The following GPR55 variants were observed in gnomAD, a reference collection of about 807,000 sequenced individuals.
GPR55 encodes G-protein coupled receptor 55.
In GPR55, 6 loss-of-function variants were observed where a neutral mutation model predicts 7.9. The ratio of observed to expected loss-of-function variants is 0.76; its 90% CI spans 0.41 to 1.49. GPR55 has a LOEUF of 1.49. GPR55 is among the 40% of genes most tolerant of loss of function. The pLI is 0.01. For missense variants in GPR55, 376 were observed against 406.0 expected (o/e 0.93, Z 0.63); for synonymous variants, 183 against 166.8 (o/e 1.10, Z -0.75).
At chr2:230,955,156 A>C (rs749185549) in intron 1 of GPR55, among the ~76,000 whole-genome samples, 2 of 152,244 alleles carry the variant, frequency 1.3e-5, no homozygotes, top group South Asian at 2.1e-4. Flanking sequence ...TATGATCTCC[A>C]TCTACTTTGA....
At chr2:230,941,130 G>T (rs1223064035) in intron 1 of GPR55, among the ~76,000 whole-genome samples, 1 of 150,740 alleles carries the variant, frequency 6.6e-6, no homozygotes, top group Non-Finnish European at 1.5e-5. Context: ...AAAAAAAAAA[G>T]AAAAGAAGGG....
Position 230,910,828 on chromosome 2 carries a change from G to A in GPR55, c.135C>T (p.Phe45=), listed in dbSNP as rs35822326. The change falls in exon 2 of 2, where the codon TTC becomes TTT. Residue 45 remains phenylalanine (F), a synonymous_variant. Transcript: ENST00000650999. This position sits in a 1 kb window ranked among gnomAD's most constrained non-coding sequence, Gnocchi z 5.4. ...LLLNLLAIHG[F]STFLKNRWPD... is the part of the protein sequence containing the mutation. ...GCCACCTGTTCTTAAGGAAGGTGCT[G>A]AAGCCATGGATGGCCAGCAGGTTGA... 0.011 allele frequency: 17,362 copies of A among 1,614,146 alleles called. 115 individuals carry two copies. The highest frequency in any genetic ancestry group is 0.012 in the Non-Finnish European group (13,758 of 1,179,996).
At chr2:230,926,795 T>A (rs1690951213), upstream of GPR55, among the ~76,000 whole-genome samples, 1 of 151,076 alleles carries the variant, frequency 6.6e-6, no homozygotes, top group African/African-American at 2.4e-5. Context: ...GTTCAAGTGA[T>A]TCTCCTGCCT....
intron 1 of GPR55, among the ~76,000 whole-genome samples, chr2:230,938,102 G>A (rs190963062): frequency 3.9e-5 from 5 of 129,196 alleles, no homozygotes; most frequent in East Asian, 4.8e-4. Context: ...AGCCGTGATC[G>A]CACCACTGTA....
chr2:230,943,718 T>C (rs562773233), intron 1 of GPR55, among the ~76,000 whole-genome samples: 1 of 151,986 alleles, frequency 6.6e-6, no homozygotes, highest in Non-Finnish European at 1.5e-5. Context: ...CTCCCCTTGG[T>C]GCTGTCCTCT....
At chr2:230,937,609 T>C (rs886259229) in intron 1 of GPR55, among the ~76,000 whole-genome samples, 2 of 151,778 alleles carry the variant, frequency 1.3e-5, no homozygotes, top group East Asian at 3.9e-4. Context: ...TTCTTCTTTG[T>C]GGCACGGAGC....
intron 1 of GPR55, among the ~76,000 whole-genome samples, chr2:230,959,233 C>T (rs1691533089): frequency 6.6e-6 from 1 of 152,144 alleles, no homozygotes; most frequent in Non-Finnish European, 1.5e-5. Context: ...ATCACTTAAG[C>T]CCAGGAGTTG....
At chr2:230,932,300 A>C (rs2125062105) in intron 1 of GPR55, among the ~76,000 whole-genome samples, 1 of 152,348 alleles carries the variant, frequency 6.6e-6, no homozygotes, top group African/African-American at 2.4e-5. Flanking sequence ...CTCATTCCCT[A>C]CATAATTGGT....
intron 1 of GPR55, among the ~76,000 whole-genome samples, chr2:230,941,564 G>A (rs752462938): frequency 7.9e-5 from 12 of 152,088 alleles, no homozygotes; most frequent in Non-Finnish European, 1.2e-4. Context: ...CTACCACCTC[G>A]TGACTTTCCT....
At chr2:230,948,938 G>T (rs1262876660) in intron 1 of GPR55, among the ~76,000 whole-genome samples, 1 of 152,080 alleles carries the variant, frequency 6.6e-6, no homozygotes, top group African/African-American at 2.4e-5. Context: ...GTTTGGTGGC[G>T]TGCGCCTGTA....
intron 1 of GPR55, among the ~76,000 whole-genome samples, chr2:230,947,854 C>A (rs892926046): frequency 2.0e-5 from 3 of 152,082 alleles, no homozygotes; most frequent in Non-Finnish European, 4.4e-5. Context: ...CTGGTGCCCC[C>A]CCTCCAACTC....
At chr2:230,929,227 C>T (rs1029182413), upstream of GPR55, among the ~76,000 whole-genome samples, 6 of 152,100 alleles carry the variant, frequency 3.9e-5, no homozygotes, top group Non-Finnish European at 7.4e-5. Flanking sequence ...ACACGAAGCC[C>T]GTTCCTGGAG....
chr2:230,915,570 T>C (rs554098881), intron 1 of GPR55, among the ~76,000 whole-genome samples: 259 of 152,214 alleles, frequency 1.7e-3, no homozygotes, highest in African/African-American at 6.0e-3. Context: ...GAGGTGGGGC[T>C]GAATTGAACC....
intron 1 of GPR55, among the ~76,000 whole-genome samples, chr2:230,932,137 A>C (rs1691058761): frequency 6.6e-6 from 1 of 152,122 alleles, no homozygotes; most frequent in African/African-American, 2.4e-5. Flanking sequence ...GCACCCAACC[A>C]AGTGACAAAG....
chr2:230,959,815 T>C lies in GPR55; in HGVS notation c.-135+960A>G, dbSNP rs796129497. On this transcript the variant is annotated intron_variant, in intron 1 of 1. Coordinates refer to the GPR55 transcript ENST00000392039. ...CATCAAAATAGTGACTATGGGTTTATAGATCATTTTCATTTTTGTCTTTAT... is the reference window on the plus strand; with the variant it reads ...CATCAAAATAGTGACTATGGGTTTACAGATCATTTTCATTTTTGTCTTTAT... 5.9e-5 allele frequency among the ~76,000 whole-genome samples: 9 copies of C among 152,368 alleles called. No individual in the cohort carries two copies. The South Asian group carries it at 1.7e-3, about 28-fold the overall frequency.
chr2:230,939,204 G>T (rs1041106587), intron 1 of GPR55, among the ~76,000 whole-genome samples: 1 of 152,208 alleles, frequency 6.6e-6, no homozygotes, highest in East Asian at 1.9e-4. Flanking sequence ...TGGAGTTCTG[G>T]GGGGGCAGGG....
upstream of GPR55, among the ~76,000 whole-genome samples, chr2:230,927,317 A>G (rs1442860113): frequency 2.0e-5 from 3 of 152,054 alleles, no homozygotes; most frequent in African/African-American, 7.2e-5. Context: ...TATCCCTTGG[A>G]TACCTTGGGG....
rs1690879039 is a variant in GPR55 at position 230,923,308 on chromosome 2, G to A, written c.-135+1860C>T. 1.3e-5 allele frequency among the ~76,000 whole-genome samples: 2 copies of A among 152,188 alleles called. No individual in the cohort carries two copies. Among genetic ancestry groups the A allele is most frequent in the African/African-American group, 4.8e-5 (2 of 41,422 alleles). On this transcript the variant is annotated intron_variant, in intron 1 of 1. Coordinates refer to ENST00000650999, the MANE Select transcript of GPR55 (RefSeq NM_005683.4). The surrounding 1 kb of genome is among the most constrained non-coding windows in gnomAD (Gnocchi z 4.1). ...TCCTGCAGCTGCCAGGCTGTTATCTGCACAGAGCATTGCAGCGTGAGCCAC... is the reference window on the plus strand; with the variant it reads ...TCCTGCAGCTGCCAGGCTGTTATCTACACAGAGCATTGCAGCGTGAGCCAC...
chr2:230,931,773 C>T (rs559555292), intron 1 of GPR55, among the ~76,000 whole-genome samples: 33 of 152,120 alleles, frequency 2.2e-4, no homozygotes, highest in Non-Finnish European at 3.8e-4. Flanking sequence ...CCCTCTGCTC[C>T]CCTTCCTTCC....
Sources: allele counts gnomAD v4.1 joint callset (sites outside exome capture counted in the v4.1 genomes callset), GRCh38; gene constraint gnomAD v4.1.1; non-coding constraint Gnocchi (gnomAD v3.1); transcripts MANE v1.5; gene names NCBI Gene and HGNC (gene_info 2026-07-23, HGNC 2026-07-21).